CYBA: variants seen among roughly 807,000 people sequenced by gnomAD.
CYBA encodes cytochrome b-245 light chain.
Under a neutral mutation model 20.8 loss-of-function variants are expected in CYBA, and 21 were observed. That is an observed-to-expected ratio of 1.01 (90% CI 0.72 to 1.46). The LOEUF is 1.46. Ranked by LOEUF, CYBA falls within the 40% of genes most tolerant of loss-of-function variation. The pLI, the probability that CYBA is intolerant of heterozygous loss-of-function variation, is 0.00. For synonymous variants in CYBA, 164 were observed against 127.5 expected, an observed-to-expected ratio of 1.29 and a Z score of -1.93; for missense variants, 344 against 287.0, an observed-to-expected ratio of 1.20 and a Z score of -1.43.
chr16:88,648,937 CTT>C (rs35341429), intron 1 of CYBA, among the ~76,000 whole-genome samples: 23 of 119,634 alleles, frequency 1.9e-4, no homozygotes, highest in Admixed American at 2.7e-4. Flanking sequence ...TATTTTATTT[CTT>C]TTTTTTTTTT....
rs755779683 is a variant in CYBA at position 88,643,561 on chromosome 16, C to G, written c.380G>C (p.Arg127Pro). Residue 127 changes from arginine (R) to proline (P), a missense_variant, in exon 6 of 6, where the codon CGT (arginine) becomes CCT (proline). Arg to Pro is a moderately radical substitution (Grantham distance 103, BLOSUM62 -2). Coordinates refer to ENST00000261623, the MANE Select transcript of CYBA (RefSeq NM_000101.4). This position sits in a 1 kb window ranked among gnomAD's most constrained non-coding sequence, Gnocchi z 4.3. Reference protein sequence around the residue: ...ASGIYLLAAVRGEQWTPIEPK... With the variant: ...ASGIYLLAAVPGEQWTPIEPK... ...CTCGATGGGCGTCCACTGCTCGCCA[C>G]GCACAGCCGCCTGCGGGGCACTGAA... 1 of 1,533,194 alleles carries G rather than the reference C, an allele frequency of 6.5e-7. No individual in the cohort carries two copies. The allele number at this position is 1,533,194 out of a possible 1,614,324, so 95.0% of individuals were successfully genotyped here. A position where few individuals can be genotyped will look rare whatever the true frequency, so the allele number is the denominator to read the frequency against.
rs764175904 is a variant in CYBA at position 88,650,946 on chromosome 16, G to A, written c.58+10C>T. Reference sequence around the variant, plus strand: ...GGCTGCAGCCTCCACCGTCCCTGACGTGCACTCACTCAGGCCGGACGCCAG... The same window carrying A: ...GGCTGCAGCCTCCACCGTCCCTGACATGCACTCACTCAGGCCGGACGCCAG... On this transcript the variant is annotated intron_variant, in intron 1 of 5. Transcript: ENST00000261623. The A allele has an allele frequency of 2.5e-6, 4 of 1,588,540 alleles. No individual in the cohort carries two copies. The highest frequency in any genetic ancestry group is 4.6e-5 in the East Asian group (2 of 43,096).
intron 1 of CYBA, among the ~76,000 whole-genome samples, chr16:88,648,704 G>C (rs372604757): frequency 4.2e-5 from 6 of 142,374 alleles, no homozygotes; most frequent in Admixed American, 1.5e-4. Flanking sequence ...TGCTACCTCC[G>C]CCTCCAGGGT....
At position 88,650,474 on chromosome 16, in the gene CYBA, T is replaced by TCTG. The variant is rs749437794; in HGVS notation, c.58+481_58+482insCAG. The stretch of plus-strand genomic sequence containing the variant: ...ATCTCAGACCGCCTCCAGCGCAGAC[T>TCTG]CCAGATGAGAAGGGCTGAGCCCCAG... On this transcript the variant is annotated intron_variant, in intron 1 of 5. Transcript: ENST00000261623. The TCTG allele has an allele frequency of 9.7e-5, 45 of 462,336 alleles. 1 individual carries two copies. Among genetic ancestry groups the TCTG allele is most frequent in the South Asian group, 7.0e-4 (45 of 64,604 alleles). The allele number at this position is 462,336 out of a possible 1,614,324, so 28.6% of individuals were successfully genotyped here.
Position 88,645,785 on chromosome 16 carries a change from G to T in CYBA, c.369+331C>A, listed in dbSNP as rs1242222532. 4 of 538,850 alleles carry T rather than the reference G, an allele frequency of 7.4e-6. No individual in the cohort carries two copies. In the South Asian group the frequency reaches 9.1e-5, roughly 12 times the overall value. The allele number at this position is 538,850 out of a possible 1,614,324, so 33.4% of individuals were successfully genotyped here. A position where few individuals can be genotyped will look rare whatever the true frequency, so the allele number is the denominator to read the frequency against. On this transcript the variant is annotated intron_variant, in intron 5 of 5. Coordinates refer to ENST00000261623, the MANE Select transcript of CYBA (RefSeq NM_000101.4). ...GGACCCAAGCGCAGGCACGGTCTTC[G>T]GCCGGCTGCGTGACCCCAGGCCAGT...
intron 3 of CYBA, 76 bp from the exon 4 acceptor site, chr16:88,646,914 C>A: frequency 3.0e-6 from 4 of 1,319,494 alleles, no homozygotes; most frequent in South Asian, 1.2e-5. Flanking sequence ...CTGCTGACCA[C>A]CCCAGGGCAC....
chr16:88,647,568 C>T, intron 2 of CYBA: 1 of 366,876 alleles, frequency 2.7e-6, no homozygotes. Context: ...TGCCTGAGGT[C>T]ACAGAGCCAG....
At chr16:88,646,918 A>G (rs539962722) in intron 3 of CYBA, 80 bp from the exon 4 acceptor site, 15 of 1,298,450 alleles carry the variant, frequency 1.2e-5, no homozygotes, top group African/African-American at 4.4e-5. Flanking sequence ...TGACCACCCC[A>G]GGGCACCCAG....
chr16:88,650,599 C>A (rs931663159), intron 1 of CYBA: 1 of 517,362 alleles, frequency 1.9e-6, no homozygotes, highest in Non-Finnish European at 3.7e-6. Flanking sequence ...CAGGCCGGAG[C>A]CCCCACTCGG....
chr16:88,650,578 C>T (rs538859618), intron 1 of CYBA: 1 of 506,582 alleles, frequency 2.0e-6, no homozygotes, highest in East Asian at 5.1e-5. Context: ...AGGGGAGCTT[C>T]TCCCGATGCC....
At chr16:88,645,435 G>A (rs761670729) in intron 5 of CYBA, 1 of 701,806 alleles carries the variant, frequency 1.4e-6, no homozygotes, top group African/African-American at 1.7e-5. Context: ...TGGCTCTATG[G>A]ACAAAAGGAT....
rs8053867 is a variant in CYBA, at chr16:88,650,978, T to C, written c.36A>G (p.Glu12=). The part of the protein sequence containing the change: ...GQIEWAMWAN[E]QALASGLILI... The stretch of plus-strand genomic sequence containing the variant: ...CACTCAGGCCGGACGCCAGCGCCTG[T>C]TCGTTGGCCCACATGGCCCACTCGA... Residue 12 remains glutamate (E), a synonymous_variant, in exon 1 of 6, where the codon GAA becomes GAG. Transcript: ENST00000261623. 1,595,267 of 1,596,232 alleles carry C rather than the reference T, an allele frequency of 1. 797,163 individuals carry two copies. The highest frequency in any genetic ancestry group is 1 in the East Asian group (43,712 of 43,712).
rs373948664 is a variant in CYBA, at chr16:88,646,802, G to A, written c.240C>T (p.Phe80=). The A allele has an allele frequency of 1.6e-4, 258 of 1,613,840 alleles. No homozygotes were observed. The highest frequency in any genetic ancestry group is 2.1e-4 in the Non-Finnish European group (247 of 1,179,970). The change falls in exon 4 of 6, where the codon TTC becomes TTT. Residue 80 remains phenylalanine, a synonymous_variant. Coordinates refer to ENST00000261623, the MANE Select transcript of CYBA (RefSeq NM_000101.4). ...CATAGTAATTCCTGGTAAAGGGCCCGAACAGCTTCACCACGGCGGTCATGT... is the reference window on the plus strand; with the variant it reads ...CATAGTAATTCCTGGTAAAGGGCCCAAACAGCTTCACCACGGCGGTCATGT... ...QKYMTAVVKL[F]GPFTRNYYVR... is the part of the protein sequence containing the mutation.
At chr16:88,650,317 T>G (rs532787191) in intron 1 of CYBA, 11 of 452,370 alleles carry the variant, frequency 2.4e-5, no homozygotes, top group South Asian at 1.7e-4. Flanking sequence ...TGGAGTCCGC[T>G]GCCCTCACCA....
At chr16:88,648,848 A>G (rs895665275) in intron 1 of CYBA, among the ~76,000 whole-genome samples, 2 of 150,590 alleles carry the variant, frequency 1.3e-5, no homozygotes, top group African/African-American at 4.9e-5. Flanking sequence ...CGAACTCCTG[A>G]CCTCAGGGAA....
intron 5 of CYBA, among the ~76,000 whole-genome samples, chr16:88,644,200 T>C (rs956309569): frequency 1.3e-5 from 2 of 152,174 alleles, no homozygotes; most frequent in Admixed American, 1.3e-4. Flanking sequence ...ATATGTCACA[T>C]CATATACGTC....
chr16:88,649,655 G>A (rs1001762932), intron 1 of CYBA, among the ~76,000 whole-genome samples: 3 of 152,246 alleles, frequency 2.0e-5, no homozygotes, highest in Non-Finnish European at 4.4e-5. Context: ...TGCAGAAGCA[G>A]CAGCTTGTGC....
intron 4 of CYBA, chr16:88,646,540 C>T (rs759284359): frequency 1.3e-5 from 9 of 700,954 alleles, no homozygotes; most frequent in South Asian, 7.5e-5. Flanking sequence ...GGCGACGGAT[C>T]GGAGCTCCTC....
intron 1 of CYBA, among the ~76,000 whole-genome samples, chr16:88,648,599 T>G (rs1416967632): frequency 6.6e-6 from 1 of 151,960 alleles, no homozygotes; most frequent in Non-Finnish European, 1.5e-5. Context: ...GGGGGGGTAT[T>G]GTCCAATATT....
Sources: gnomAD v4.1 joint callset for allele counts (sites outside exome capture counted in the v4.1 genomes callset) on GRCh38, gnomAD v4.1.1 for gene constraint, Gnocchi (gnomAD v3.1) non-coding constraint, MANE v1.5 for transcripts, NCBI Gene and HGNC (gene_info 2026-07-23, HGNC 2026-07-21) for gene names.